ACYP2: variants seen among roughly 807,000 people sequenced by gnomAD.
The protein encoded by ACYP2 is acylphosphatase-2.
In ACYP2, 12 loss-of-function variants were observed where a neutral mutation model predicts 11.2. That is an observed-to-expected ratio of 1.08 (90% CI 0.69 to 1.74). The LOEUF is 1.74. Ranked by LOEUF, ACYP2 falls within the 40% of genes most tolerant of loss-of-function variation. The pLI is 0.00. For synonymous variants in ACYP2, 43 were observed against 32.2 expected, an observed-to-expected ratio of 1.33 and a Z score of -1.13; for missense variants, 134 against 101.9, an observed-to-expected ratio of 1.31 and a Z score of -1.35.
At chr2:54,151,779 A>G (rs1682181862) in intron 6 of ACYP2, among the ~76,000 whole-genome samples, 1 of 152,236 alleles carries the variant, frequency 6.6e-6, no homozygotes, top group South Asian at 2.1e-4. Context: ...TATTTTATAT[A>G]TGTGCATTTA....
At chr2:54,009,817 T>C (rs550808030) in intron 2 of ACYP2, among the ~76,000 whole-genome samples, 1 of 152,352 alleles carries the variant, frequency 6.6e-6, no homozygotes, top group African/African-American at 2.4e-5. Flanking sequence ...ACTTATCATG[T>C]ACTTAATTTG....
intron 2 of ACYP2, among the ~76,000 whole-genome samples, chr2:54,034,596 GA>G (rs1674773161): frequency 6.6e-6 from 1 of 152,188 alleles, no homozygotes; most frequent in Non-Finnish European, 1.5e-5. Flanking sequence ...GCACTACGAT[GA>G]AATTGCTTAA....
In ACYP2 at chr2:54,135,305, G is replaced by A. The variant is rs73935083; in HGVS notation, c.278-148G>A. 8.5e-4 allele frequency: 560 copies of A among 655,100 alleles called. 5 individuals carry two copies. In the African/African-American group the frequency reaches 9.7e-3, roughly 11 times the overall value. 40.6% of individuals were successfully genotyped at this position (655,100 alleles called of 1,614,324 possible). On this transcript the variant is annotated intron_variant, in intron 4 of 6. Coordinates refer to ENST00000607452, the MANE Select transcript of ACYP2 (RefSeq NM_001320586.2). ...CTGGAATTTTAAATTTAATATTGTA[G>A]GACCACAGTTGATGGAGGATTAAGT...
chr2:54,077,951 T>C (rs1249314187), intron 4 of ACYP2, among the ~76,000 whole-genome samples: 1 of 150,596 alleles, frequency 6.6e-6, no homozygotes, highest in African/African-American at 2.4e-5. Flanking sequence ...CAGCAATGAT[T>C]GCACTTTCTT....
intron 6 of ACYP2, 145 bp downstream of exon 3, chr2:54,138,893 G>C (rs374785910): frequency 1.5e-6 from 1 of 666,168 alleles, no homozygotes; most frequent in Admixed American, 3.0e-5. Context: ...TCCAGGCTCA[G>C]ATCTCCCCGA....
At chr2:54,096,713 A>G (rs1300583941) in intron 4 of ACYP2, among the ~76,000 whole-genome samples, 1 of 152,210 alleles carries the variant, frequency 6.6e-6, no homozygotes, top group Non-Finnish European at 1.5e-5. Flanking sequence ...CGCGCCTGCA[A>G]TCACAGGCAC....
At chr2:54,271,396 T>TAAAAAC (rs1573027084) in intron 6 of ACYP2, among the ~76,000 whole-genome samples, 3 of 152,186 alleles carry the variant, frequency 2.0e-5, no homozygotes, top group African/African-American at 7.2e-5. Flanking sequence ...GATTGGGTTT[T>TAAAAAC]TGAGATGTTT....
At chr2:54,295,454 G>A (rs1689485607) in intron 6 of ACYP2, among the ~76,000 whole-genome samples, 1 of 151,992 alleles carries the variant, frequency 6.6e-6, no homozygotes, top group African/African-American at 2.4e-5. Context: ...TTTGTTTTTT[G>A]TGAGTTAATG....
intron 2 of ACYP2, among the ~76,000 whole-genome samples, chr2:54,042,992 T>C (rs114942292): frequency 0.012 from 1,802 of 152,314 alleles, 34 homozygotes; most frequent in African/African-American, 0.04. Context: ...CATCAGTCCA[T>C]GCGTAGCATG....
At chr2:54,028,088 G>A (rs72906704) in intron 2 of ACYP2, among the ~76,000 whole-genome samples, 14,519 of 151,718 alleles carry the variant, frequency 0.096, 933 homozygotes, top group African/African-American at 0.18. Context: ...GGTGATCTGC[G>A]TACCTTGGCC....
chr2:54,060,468 G>T (rs964836822), intron 4 of ACYP2, among the ~76,000 whole-genome samples: 3 of 151,888 alleles, frequency 2.0e-5, no homozygotes, highest in Admixed American at 6.6e-5. Context: ...TATAATTTTA[G>T]TAAAGTTTTG....
intron 4 of ACYP2, among the ~76,000 whole-genome samples, chr2:54,129,554 CATT>C (rs999269196): frequency 3.7e-4 from 56 of 151,214 alleles, no homozygotes; most frequent in Admixed American, 1.3e-3. Context: ...TCAATTTAGG[CATT>C]ATTAGTAACT....
At chr2:54,260,475 A>G (rs146164748) in intron 6 of ACYP2, among the ~76,000 whole-genome samples, 1 of 152,304 alleles carries the variant, frequency 6.6e-6, no homozygotes, top group East Asian at 1.9e-4. Flanking sequence ...GTGAATAAGC[A>G]GAGTTGGATT....
At chr2:54,204,083 C>T (rs1176200127) in intron 6 of ACYP2, among the ~76,000 whole-genome samples, 1 of 152,160 alleles carries the variant, frequency 6.6e-6, no homozygotes, top group Non-Finnish European at 1.5e-5. Flanking sequence ...CGACCTCTGC[C>T]TCCCACGTTG....
intron 2 of ACYP2, among the ~76,000 whole-genome samples, chr2:54,033,994 G>GTATATAT (rs1674735210): frequency 6.6e-6 from 1 of 152,206 alleles, no homozygotes; most frequent in Non-Finnish European, 1.5e-5. Context: ...TTTGATCAAT[G>GTATATAT]ATAGACCAAA....
chr2:54,207,960 G>A (rs1487840220), intron 6 of ACYP2, among the ~76,000 whole-genome samples: 1 of 152,148 alleles, frequency 6.6e-6, no homozygotes, highest in Admixed American at 6.5e-5. Context: ...TTCTCATCCT[G>A]TGCAATTTCT....
At chr2:54,128,913 C>T (rs1008754070) in intron 4 of ACYP2, among the ~76,000 whole-genome samples, 6 of 152,188 alleles carry the variant, frequency 3.9e-5, no homozygotes, top group Admixed American at 3.3e-4. Flanking sequence ...CCCACTTGGT[C>T]TACTCAGACT....
At chr2:54,058,355 C>T (rs1440728980) in intron 4 of ACYP2, among the ~76,000 whole-genome samples, 2 of 150,362 alleles carry the variant, frequency 1.3e-5, no homozygotes, top group African/African-American at 4.9e-5. Flanking sequence ...AGCTGTGCTT[C>T]CCAGGGGCTT....
intron 6 of ACYP2, chr2:54,254,859 G>A: frequency 6.5e-7 from 1 of 1,536,800 alleles, no homozygotes; most frequent in Admixed American, 1.9e-5. Context: ...TGTTGCCCAA[G>A]CTCAGGTCCA....
Sources: gnomAD v4.1 joint callset for allele counts (sites outside exome capture counted in the v4.1 genomes callset) on GRCh38, gnomAD v4.1.1 for gene constraint, MANE v1.5 for transcripts, NCBI Gene and HGNC (gene_info 2026-07-23, HGNC 2026-07-21) for gene names.